Variants in PATJ observed in about 807,000 individuals in gnomAD.
The protein encoded by PATJ is inaD-like protein.
PATJ carries 190 observed loss-of-function variants against 224.9 expected under a neutral mutation model. The ratio of observed to expected loss-of-function variants is 0.84; its 90% confidence interval spans 0.75 to 0.95. PATJ has a LOEUF of 0.95. Ranked by LOEUF, PATJ falls within the 40% of genes least tolerant of loss-of-function variation. PATJ has a pLI of 0.00. For missense variants in PATJ, 2,121 were observed against 2,270.3 expected (o/e 0.93, Z 1.34); for synonymous variants, 769 against 820.3 (o/e 0.94, Z 1.07).
rs1256266700 is a variant in PATJ at position 62,051,001 on chromosome 1, A to C, written c.4068A>C (p.Glu1356Asp). The C allele has an allele frequency of 6.2e-7, 1 of 1,614,002 alleles. No individual in the cohort carries two copies. Among genetic ancestry groups the C allele is most frequent in the Non-Finnish European group, 8.5e-7 (1 of 1,179,958 alleles). Residue 1356 changes from glutamate (E) to aspartate (D), a missense_variant, in exon 31 of 44, where the codon GAA (glutamate) becomes GAC (aspartate). Physicochemically the swap from Glu to Asp is conservative, Grantham distance 45 (BLOSUM62 2). Coordinates refer to ENST00000642238, the MANE Select transcript of PATJ (RefSeq NM_001350145.3). Reference protein sequence around the residue: ...QSGTEPISSEEDGSVEVGIKQ... With the variant: ...QSGTEPISSEDDGSVEVGIKQ... ...GCACCGAACCTATTAGTAGTGAGGA[A>C]GATGGCAGCGTCGAAGTTGGTATTA... is the stretch of plus-strand genomic sequence containing the variant.
At chr1:62,072,746 T>TAAAAAAAAAA (rs554442397) in intron 31 of PATJ, 1 of 126,616 alleles carries the variant, frequency 7.9e-6, no homozygotes, top group Non-Finnish European at 1.6e-5. Context: ...GTCTTTTATT[T>TAAAAAAAAAA]AAAAAAAAAA....
chr1:62,067,214 C>T (rs1037335678), intron 31 of PATJ, among the ~76,000 whole-genome samples: 5 of 150,266 alleles, frequency 3.3e-5, no homozygotes, highest in Non-Finnish European at 5.9e-5. Context: ...GCAACCTCCA[C>T]CTCCCAGGTT....
intron 1 of PATJ, among the ~76,000 whole-genome samples, chr1:61,744,231 T>A (rs1473346955): frequency 7.8e-6 from 1 of 128,234 alleles, no homozygotes; most frequent in Non-Finnish European, 1.5e-5. Context: ...CTGTGGTGAG[T>A]GGTGTTTGCA....
chr1:61,839,923 G>T (rs1660812265), intron 17 of PATJ, among the ~76,000 whole-genome samples: 1 of 151,920 alleles, frequency 6.6e-6, no homozygotes, highest in African/African-American at 2.4e-5. Context: ...CCATTGGGAG[G>T]TGATTCATAT....
At chr1:61,992,239 TC>T (rs1243588114) in intron 28 of PATJ, among the ~76,000 whole-genome samples, 2 of 151,562 alleles carry the variant, frequency 1.3e-5, no homozygotes. Flanking sequence ...TGCCTCAGCC[TC>T]CCGAGTAGCC....
chr1:61,992,713 C>G (rs745594683), intron 28 of PATJ, among the ~76,000 whole-genome samples: 1 of 152,126 alleles, frequency 6.6e-6, no homozygotes, highest in Admixed American at 6.5e-5. Context: ...TTTTATTAGA[C>G]AGTGGTAACA....
intron 7 of PATJ, among the ~76,000 whole-genome samples, chr1:61,776,960 C>G (rs1012366744): frequency 1.6e-4 from 25 of 152,216 alleles, no homozygotes; most frequent in African/African-American, 6.0e-4. Context: ...CTCCTGACCT[C>G]GTGATCCGCC....
At chr1:62,019,226 CAGAG>C (rs1256502075) in intron 29 of PATJ, among the ~76,000 whole-genome samples, 1 of 138,224 alleles carries the variant, frequency 7.2e-6, no homozygotes, top group Non-Finnish European at 1.5e-5. Flanking sequence ...GCCTGGACGA[CAGAG>C]AGAGATTGTC....
In PATJ at chr1:61,915,828, C is replaced by T. The variant is rs561700783; in HGVS notation, c.3570+1164C>T. Reference sequence around the variant, plus strand: ...TCTCCTGCCTCAGCCTCCCAAGTTGCTGGGATTACAGGCATGTGCCACCAT... The same window carrying T: ...TCTCCTGCCTCAGCCTCCCAAGTTGTTGGGATTACAGGCATGTGCCACCAT... On this transcript the variant is annotated intron_variant, in intron 26 of 43. Transcript: ENST00000642238. Among the ~76,000 whole-genome samples, 4 of 151,984 alleles carry T rather than the reference C, an allele frequency of 2.6e-5. No individual in the cohort carries two copies. In the South Asian group the frequency reaches 8.3e-4, roughly 32 times the overall value.
chr1:61,886,896 G>A (rs75039862), intron 22 of PATJ, among the ~76,000 whole-genome samples: 5 of 150,044 alleles, frequency 3.3e-5, no homozygotes, highest in East Asian at 3.9e-4. Context: ...TGGGAGGACC[G>A]TTTAAGGCTG....
chr1:62,057,191 A>G (rs1654695453), intron 31 of PATJ, among the ~76,000 whole-genome samples: 1 of 152,180 alleles, frequency 6.6e-6, no homozygotes, highest in Admixed American at 6.5e-5. Flanking sequence ...AGCGTATGAA[A>G]GGGGATTTGA....
chr1:62,075,913 G>A (rs1444076783), intron 31 of PATJ, among the ~76,000 whole-genome samples: 4 of 141,568 alleles, frequency 2.8e-5, no homozygotes, highest in Non-Finnish European at 6.0e-5. Flanking sequence ...GCGAGACTCC[G>A]TCTCAAAAAA....
chr1:62,107,297 G>C (rs1570628684), intron 33 of PATJ, among the ~76,000 whole-genome samples: 1 of 149,334 alleles, frequency 6.7e-6, no homozygotes, highest in Admixed American at 6.7e-5. Context: ...CAGAGTGAGA[G>C]TCCATCTCAA....
intron 39 of PATJ, 126 bp from the exon 40 acceptor site, chr1:62,127,846 A>T (rs1159556539): frequency 1.2e-6 from 1 of 842,498 alleles, no homozygotes; most frequent in Non-Finnish European, 1.8e-6. Flanking sequence ...TTCCACATTT[A>T]ACTCCTATGT....
At chr1:62,145,655 G>C (rs1667966521) in intron 41 of PATJ, among the ~76,000 whole-genome samples, 1 of 151,696 alleles carries the variant, frequency 6.6e-6, no homozygotes, top group Admixed American at 6.6e-5. Flanking sequence ...GCAAGTCCCT[G>C]TCTCAAAAAA....
intron 31 of PATJ, among the ~76,000 whole-genome samples, chr1:62,064,632 A>G (rs1490144769): frequency 1.3e-5 from 2 of 152,114 alleles, no homozygotes; most frequent in African/African-American, 2.4e-5. Context: ...GGGCCTTCAT[A>G]AGTGTTTTTA....
At chr1:61,980,473 GT>G (rs373322101) in intron 27 of PATJ, among the ~76,000 whole-genome samples, 8,470 of 136,364 alleles carry the variant, frequency 0.062, 587 homozygotes, top group East Asian at 0.34. Flanking sequence ...GTGTGTGTGT[GT>G]GTGTGGTATG....
chr1:61,864,440 A>T lies in PATJ; in HGVS notation c.2642A>T (p.Asp881Val). The T allele has an allele frequency of 6.2e-7, 1 of 1,613,814 alleles. No homozygotes were observed. Residue 881 changes from aspartate to valine, a missense_variant, in exon 20 of 44, where the codon GAT (aspartate) becomes GTT (valine). Transcript: ENST00000642238. Reference sequence around the variant, plus strand: ...GATGAAGAATATGAGTTATATCAAGATCCCTCACCATCCATGGAGTTGTAT... The same window carrying T: ...GATGAAGAATATGAGTTATATCAAGTTCCCTCACCATCCATGGAGTTGTAT... ...LVDEEYELYQDPSPSMELYPL... is the reference protein window; with the variant it reads ...LVDEEYELYQVPSPSMELYPL...
intron 30 of PATJ, among the ~76,000 whole-genome samples, chr1:62,040,013 T>C (rs1407814686): frequency 6.6e-6 from 1 of 151,796 alleles, no homozygotes; most frequent in African/African-American, 2.4e-5. Flanking sequence ...CCTTTCTGGA[T>C]CTCTCCCAAG....
Sources: gnomAD v4.1 joint callset for allele counts (sites outside exome capture counted in the v4.1 genomes callset) on GRCh38, gnomAD v4.1.1 for gene constraint, MANE v1.5 for transcripts, NCBI Gene and HGNC (gene_info 2026-07-23, HGNC 2026-07-21) for gene names.